SORCS1: variants seen among roughly 807,000 people sequenced by gnomAD.
SORCS1 encodes the protein VPS10 domain-containing receptor SorCS1.
SORCS1 carries 60 observed loss-of-function variants against 146.1 expected under a neutral mutation model. The observed-to-expected ratio is 0.41, with a 90% CI of 0.33 to 0.51. The LOEUF (loss-of-function observed/expected upper bound fraction) is 0.51, where lower values mean the gene tolerates loss of function less well. Ranked by LOEUF, SORCS1 falls within the 20% of genes least tolerant of loss-of-function variation. SORCS1 has a pLI of 0.21. For synonymous variants in SORCS1, 637 were observed against 584.0 expected, an observed-to-expected ratio of 1.09 and a Z score of -1.31; for missense variants, 1,352 against 1,487.6, an observed-to-expected ratio of 0.91 and a Z score of 1.50.
At chr10:106,611,590 A>G (rs1846991674) in intron 22 of SORCS1, among the ~76,000 whole-genome samples, 2 of 152,178 alleles carry the variant, frequency 1.3e-5, no homozygotes, top group Admixed American at 1.3e-4. Context: ...TAATGGCCTA[A>G]TTGTGAACTC....
At chr10:106,704,142 G>C (rs1854336572) in intron 8 of SORCS1, among the ~76,000 whole-genome samples, 1 of 152,158 alleles carries the variant, frequency 6.6e-6, no homozygotes, top group Non-Finnish European at 1.5e-5. Flanking sequence ...CCAGCAATGA[G>C]TCTACAAACA....
rs111654171 is a variant in SORCS1, at chr10:106,842,208, T to A, written c.627-12535A>T. Among the ~76,000 whole-genome samples the A allele has an allele frequency of 5.5e-3, 844 of 152,248 alleles. 7 individuals carry two copies. The highest frequency in any genetic ancestry group is 0.019 in the African/African-American group (785 of 41,556). Reference sequence around the variant, plus strand: ...ACATATTTTATATGCTTACTGGACATCTGTATATGTTATTATTTTATTATT... The same window carrying A: ...ACATATTTTATATGCTTACTGGACAACTGTATATGTTATTATTTTATTATT... On this transcript the variant is annotated intron_variant, in intron 2 of 25. Coordinates refer to ENST00000263054, the MANE Select transcript of SORCS1 (RefSeq NM_052918.5).
At chr10:106,673,062 G>T (rs1052929326) in intron 14 of SORCS1, 77 bp from the exon 15 acceptor site, 1 of 1,190,036 alleles carries the variant, frequency 8.4e-7, no homozygotes, top group African/African-American at 1.5e-5. Context: ...GCATTTGTGG[G>T]GCGTTCACCC....
intron 2 of SORCS1, among the ~76,000 whole-genome samples, chr10:106,951,184 C>T (rs1954656569): frequency 6.6e-6 from 1 of 152,088 alleles, no homozygotes; most frequent in South Asian, 2.1e-4. Context: ...TTCCCTCTCA[C>T]CTTGACTGTC....
chr10:106,908,955 G>A (rs925103543), intron 2 of SORCS1, among the ~76,000 whole-genome samples: 29 of 151,894 alleles, frequency 1.9e-4, no homozygotes, highest in Admixed American at 1.0e-3. Flanking sequence ...TATCTTCATG[G>A]TACTTGTATC....
intron 1 of SORCS1, among the ~76,000 whole-genome samples, chr10:107,067,691 G>A (rs900120479): frequency 1.3e-5 from 2 of 152,032 alleles, no homozygotes; most frequent in Non-Finnish European, 2.9e-5. Flanking sequence ...AACTGGAATC[G>A]GACTGAGTTC....
chr10:106,589,429 TG>T (rs1345408546), intron 24 of SORCS1, among the ~76,000 whole-genome samples: 1 of 152,178 alleles, frequency 6.6e-6, no homozygotes, highest in African/African-American at 2.4e-5. Flanking sequence ...AGGGTTCTCA[TG>T]AGAACAAAGA....
intron 2 of SORCS1, among the ~76,000 whole-genome samples, chr10:106,842,395 G>A (rs1001449780): frequency 2.6e-5 from 4 of 152,080 alleles, no homozygotes; most frequent in South Asian, 2.1e-4. Flanking sequence ...CACCAGGCCC[G>A]GCTAATTTTT....
intron 2 of SORCS1, among the ~76,000 whole-genome samples, chr10:106,917,080 A>G (rs1301310869): frequency 1.3e-5 from 2 of 151,914 alleles, no homozygotes; most frequent in Non-Finnish European, 2.9e-5. Context: ...GTCATTTTTC[A>G]CCTGGCCAGC....
intron 2 of SORCS1, among the ~76,000 whole-genome samples, chr10:106,836,841 G>T (rs1948812380): frequency 6.6e-6 from 1 of 152,132 alleles, no homozygotes; most frequent in Non-Finnish European, 1.5e-5. Flanking sequence ...CTGAAAATAT[G>T]GACAAAGTGA....
intron 1 of SORCS1, chr10:106,970,213 C>T (rs1029381020): frequency 6.6e-6 from 1 of 152,106 alleles, no homozygotes; most frequent in Non-Finnish European, 1.5e-5. Context: ...AATACCTTGG[C>T]CTACTCTATC....
intron 3 of SORCS1, among the ~76,000 whole-genome samples, chr10:106,827,704 G>T (rs966810645): frequency 1.5e-4 from 23 of 152,206 alleles, no homozygotes; most frequent in Non-Finnish European, 8.8e-5. Flanking sequence ...GATCAAAATT[G>T]TTTAGGTGTA....
intron 2 of SORCS1, among the ~76,000 whole-genome samples, chr10:106,937,856 T>C (rs865952421): frequency 1.3e-5 from 2 of 150,986 alleles, no homozygotes; most frequent in Non-Finnish European, 3.0e-5. Flanking sequence ...CCCCACTACT[T>C]GGGAGGCTGA....
intron 9 of SORCS1, among the ~76,000 whole-genome samples, chr10:106,692,155 C>T (rs1853342660): frequency 6.6e-6 from 1 of 152,222 alleles, no homozygotes; most frequent in Non-Finnish European, 1.5e-5. Context: ...GATCCTCCCA[C>T]CTCAGCCTTC....
At chr10:107,065,462 C>G (rs1431971028) in intron 1 of SORCS1, among the ~76,000 whole-genome samples, 1 of 79,172 alleles carries the variant, frequency 1.3e-5, no homozygotes. Flanking sequence ...CTCTCTTTCT[C>G]TCTCCCTCTC....
rs1228349911 is a variant in SORCS1 at position 107,031,595 on chromosome 10, ATC to A, written c.559-75017_559-75016del. 4.0e-5 allele frequency among the ~76,000 whole-genome samples: 6 copies of A among 150,216 alleles called. No homozygotes were observed. The East Asian group carries it at 5.8e-4, about 15-fold the overall frequency. On this transcript the variant is annotated intron_variant, in intron 1 of 25. Transcript: ENST00000263054. ...AAAATGTGAATGACAACCAATTTGT[ATC>A]TCTCTTTTTTTTTTTTGGTGGGGGG...
intron 23 of SORCS1, 69 bp from the exon 24 acceptor site, chr10:106,597,519 T>C (rs962613460): frequency 8.4e-7 from 1 of 1,197,456 alleles, no homozygotes; most frequent in Non-Finnish European, 1.2e-6. Flanking sequence ...AGCTTAGAAA[T>C]ATTTACTATT....
At chr10:106,720,235 G>T (rs1405024523) in intron 6 of SORCS1, among the ~76,000 whole-genome samples, 1 of 152,158 alleles carries the variant, frequency 6.6e-6, no homozygotes, top group Non-Finnish European at 1.5e-5. Context: ...GCCTAGAAGA[G>T]CATCTGATGT....
In SORCS1 at chr10:107,026,803, A is replaced by G. The variant is rs865853917; in HGVS notation, c.559-70223T>C. On this transcript the variant is annotated intron_variant, in intron 1 of 25. Coordinates refer to ENST00000263054, the MANE Select transcript of SORCS1 (RefSeq NM_052918.5). ...AAGCCACCAAATTACAAGATAATTG[A>G]CATGAGTCAACTTGTACATCTCTGG... Among the ~76,000 whole-genome samples, 14 of 152,092 alleles carry G rather than the reference A, an allele frequency of 9.2e-5. No individual in the cohort carries two copies. The South Asian group carries it at 2.9e-3, about 32-fold the overall frequency.
Sources: gnomAD v4.1 joint callset for allele counts (sites outside exome capture counted in the v4.1 genomes callset) on GRCh38, gnomAD v4.1.1 for gene constraint, MANE v1.5 for transcripts, NCBI Gene and HGNC (gene_info 2026-07-23, HGNC 2026-07-21) for gene names.